The following CMSS1 variants were observed in gnomAD, a reference collection of about 807,000 sequenced individuals.
CMSS1 encodes protein CMSS1.
Under a neutral mutation model 43.5 loss-of-function variants are expected in CMSS1, and 33 were observed. The observed-to-expected ratio is 0.76, with a 90% CI of 0.57 to 1.01. The LOEUF (loss-of-function observed/expected upper bound fraction) is 1.01, where lower values mean the gene tolerates loss of function less well. Ranked by LOEUF, CMSS1 falls within the 50% of genes least tolerant of loss-of-function variation. The pLI is 0.00. For missense variants in CMSS1, 313 were observed against 326.4 expected, an observed-to-expected ratio of 0.96 and a Z score of 0.32; for synonymous variants, 115 against 117.2, an observed-to-expected ratio of 0.98 and a Z score of 0.12.
At chr3:100,128,354 T>C (rs2066679436) in intron 1 of CMSS1, among the ~76,000 whole-genome samples, 1 of 152,188 alleles carries the variant, frequency 6.6e-6, no homozygotes, top group African/African-American at 2.4e-5. Flanking sequence ...TGTCACAAGA[T>C]TTATTATTAG....
chr3:99,914,271 A>C (rs1168769520), intron 1 of CMSS1, among the ~76,000 whole-genome samples: 1 of 152,204 alleles, frequency 6.6e-6, no homozygotes, highest in Non-Finnish European at 1.5e-5. Context: ...CATTTCAGAG[A>C]ATGAGCAATG....
intron 1 of CMSS1, among the ~76,000 whole-genome samples, chr3:100,003,596 A>G (rs570500725): frequency 6.6e-6 from 1 of 152,258 alleles, no homozygotes; most frequent in African/African-American, 2.4e-5. Context: ...CCTTGACACT[A>G]AGTACAGTGT....
At chr3:99,842,903 C>T (rs761645408) in intron 1 of CMSS1, among the ~76,000 whole-genome samples, 6 of 152,150 alleles carry the variant, frequency 3.9e-5, no homozygotes, top group African/African-American at 7.2e-5. Flanking sequence ...GCTAGACTCC[C>T]TCAAGATTCC....
intron 1 of CMSS1, chr3:99,924,307 C>T (rs776009734): frequency 1.2e-6 from 2 of 1,613,952 alleles, no homozygotes; most frequent in East Asian, 2.2e-5. Flanking sequence ...TCTTTTCTTC[C>T]TCCAACTCCA....
At position 100,114,939 on chromosome 3, in the gene CMSS1, A is replaced by T. The variant is rs2066544797; in HGVS notation, c.65-32034A>T. Reference sequence around the variant, plus strand: ...ATGCCTGCCTGTTCCATTTAGTGTCACAGGAGACACGAGGGCAAAGTGCTG... The same window carrying T: ...ATGCCTGCCTGTTCCATTTAGTGTCTCAGGAGACACGAGGGCAAAGTGCTG... On this transcript the variant is annotated intron_variant, in intron 1 of 9. Coordinates refer to ENST00000421999, the MANE Select transcript of CMSS1 (RefSeq NM_032359.4). 3 of 1,533,986 alleles carry T rather than the reference A, an allele frequency of 2.0e-6. No homozygotes were observed. In the East Asian group the frequency reaches 7.3e-5, roughly 38 times the overall value.
intron 1 of CMSS1, among the ~76,000 whole-genome samples, chr3:100,005,274 TCA>T (rs1220179505): frequency 6.6e-6 from 1 of 152,208 alleles, no homozygotes; most frequent in Non-Finnish European, 1.5e-5. Flanking sequence ...TGTTTTTGGC[TCA>T]ATATTCAGTG....
At chr3:100,065,215 G>A (rs2065643664) in intron 1 of CMSS1, among the ~76,000 whole-genome samples, 1 of 152,118 alleles carries the variant, frequency 6.6e-6, no homozygotes, top group Non-Finnish European at 1.5e-5. Context: ...GAATCTCTGG[G>A]AGTACCATCC....
intron 1 of CMSS1, chr3:99,898,895 A>G (rs1050983170): frequency 2.0e-5 from 3 of 152,170 alleles, no homozygotes; most frequent in Non-Finnish European, 2.9e-5. Flanking sequence ...GGTATATTGC[A>G]TGAACACTGA....
At chr3:99,837,440 A>G (rs1370468897) in intron 1 of CMSS1, among the ~76,000 whole-genome samples, 1 of 131,716 alleles carries the variant, frequency 7.6e-6, no homozygotes, top group Non-Finnish European at 1.7e-5. Context: ...GAGAAGAGAG[A>G]AAAAAAAAAA....
At chr3:100,091,056 T>C (rs954822095) in intron 1 of CMSS1, among the ~76,000 whole-genome samples, 118 of 151,874 alleles carry the variant, frequency 7.8e-4, no homozygotes, top group African/African-American at 2.5e-3. Context: ...GAGGCCGAGG[T>C]GGGCGGATCA....
intron 1 of CMSS1, among the ~76,000 whole-genome samples, chr3:100,032,623 A>T (rs766777): frequency 0.012 from 1,840 of 152,290 alleles, 24 homozygotes; most frequent in African/African-American, 0.027. Flanking sequence ...TTTTGACATA[A>T]AGGCTATATT....
intron 1 of CMSS1, among the ~76,000 whole-genome samples, chr3:99,971,121 A>G (rs1057331376): frequency 6.6e-6 from 1 of 152,166 alleles, no homozygotes; most frequent in African/African-American, 2.4e-5. Context: ...GCGGATCACT[A>G]GGTCAGGAGA....
intron 1 of CMSS1, chr3:99,925,976 C>A: frequency 1.5e-6 from 1 of 669,546 alleles, no homozygotes; most frequent in African/African-American, 2.0e-5. Context: ...AAATTAATAT[C>A]TATTAAGAAC....
chr3:99,953,646 A>G (rs1424479434), intron 1 of CMSS1, among the ~76,000 whole-genome samples: 1 of 152,198 alleles, frequency 6.6e-6, no homozygotes, highest in East Asian at 1.9e-4. Flanking sequence ...TTGTCTTGCT[A>G]ATAGGAAGAT....
At chr3:99,967,504 G>A (rs945865377) in intron 1 of CMSS1, among the ~76,000 whole-genome samples, 1 of 152,160 alleles carries the variant, frequency 6.6e-6, no homozygotes, top group African/African-American at 2.4e-5. Flanking sequence ...TGAATTTTTT[G>A]TTCCACTAAG....
At chr3:100,085,037 T>A (rs546711562) in intron 1 of CMSS1, among the ~76,000 whole-genome samples, 1 of 152,358 alleles carries the variant, frequency 6.6e-6, no homozygotes, top group East Asian at 1.9e-4. Context: ...TAAATATGTA[T>A]GTATGGTACA....
chr3:99,997,126 C>G lies in CMSS1; in HGVS notation c.65-149847C>G, dbSNP rs1709707886. On this transcript the variant is annotated intron_variant, in intron 1 of 9. Transcript: ENST00000421999. ...AGAAATAACAAAGATCAGAGCAGAA[C>G]TAAATGGAGTAGAAACAAGAAAAAC... 2.0e-5 allele frequency among the ~76,000 whole-genome samples: 3 copies of G among 152,054 alleles called. No homozygotes were observed. The South Asian group carries it at 6.2e-4, about 32-fold the overall frequency.
chr3:99,927,561 CTTTCTTCA>C (rs1397490321), intron 1 of CMSS1, among the ~76,000 whole-genome samples: 1 of 151,780 alleles, frequency 6.6e-6, no homozygotes, highest in Non-Finnish European at 1.5e-5. Context: ...TAGAAACGGG[CTTTCTTCA>C]TGTTGGTCAG....
intron 6 of CMSS1, among the ~76,000 whole-genome samples, 192 bp from the exon 7 acceptor site, chr3:100,171,647 G>A (rs2067110832): frequency 6.6e-6 from 1 of 152,138 alleles, no homozygotes; most frequent in Admixed American, 6.5e-5. Flanking sequence ...ATATGTGCCT[G>A]AATAAAAGGC....
Sources: gnomAD v4.1 joint callset for allele counts (sites outside exome capture counted in the v4.1 genomes callset) on GRCh38, gnomAD v4.1.1 for gene constraint, MANE v1.5 for transcripts, NCBI Gene and HGNC (gene_info 2026-07-23, HGNC 2026-07-21) for gene names.